Variants in PPFIA1 observed in about 807,000 individuals in gnomAD.
PPFIA1 encodes PPFI scaffold protein A1, also known as liprin-alpha-1.
Under a neutral mutation model 149.9 loss-of-function variants are expected in PPFIA1, and 25 were observed. The observed-to-expected ratio is 0.17, with a 90% CI of 0.12 to 0.23. The LOEUF (loss-of-function observed/expected upper bound fraction) is 0.23, where lower values mean the gene tolerates loss of function less well. PPFIA1 is among the 10% of genes least tolerant of loss of function. The pLI is 1.00. For synonymous variants in PPFIA1, 549 were observed against 552.8 expected (o/e 0.99, Z 0.10); for missense variants, 1,362 against 1,506.5 (o/e 0.90, Z 1.59).
At position 70,339,280 on chromosome 11, in the gene PPFIA1, G is replaced by A; in HGVS notation, c.1681G>A (p.Ala561Thr). 1.2e-6 allele frequency: 2 copies of A among 1,613,992 alleles called. No homozygotes were observed. The highest frequency in any genetic ancestry group is 1.7e-6 in the Non-Finnish European group (2 of 1,179,848). Residue 561 changes from alanine to threonine, a missense_variant, in exon 14 of 28, where the codon GCA (alanine) becomes ACA (threonine). Ala to Thr is a moderately conservative substitution (Grantham distance 58). This residue lies in a region of PPFIA1 where 733 missense variants were observed against 744.1 expected (regional missense o/e 0.99). Transcript: ENST00000253925. ...GCGGCGCCCACAGAAAGGCCGGCTG[G>A]CAGCCCTGCGAGATGAGCCTTCCAA... Reference protein sequence around the residue: ...VLRRPQKGRLAALRDEPSKVQ... With the variant: ...VLRRPQKGRLTALRDEPSKVQ...
At chr11:70,338,514 T>C in intron 13 of PPFIA1, 61 bp downstream of exon 13, 2 of 1,398,370 alleles carry the variant, frequency 1.4e-6, no homozygotes, top group Non-Finnish European at 2.0e-6. Flanking sequence ...AGTTCTTGGC[T>C]ATGTGGGCAG....
Position 70,356,149 on chromosome 11 carries a change from G to C in PPFIA1, c.2489-12G>C, listed in dbSNP as rs763030283. 7 of 1,608,514 alleles carry C rather than the reference G, an allele frequency of 4.4e-6. No homozygotes were observed. The highest frequency in any genetic ancestry group is 1.7e-5 in the Admixed American group (1 of 59,950). On this transcript the variant is annotated splice_polypyrimidine_tract_variant and intron_variant, in intron 18 of 27. Coordinates refer to ENST00000253925, the MANE Select transcript of PPFIA1 (RefSeq NM_003626.5). Reference sequence around the variant, plus strand: ...CTGATTTTTACTTCTGGGCTGTTCTGCTTCCTCACAGCTGGTGTTTCCGAG... The same window carrying C: ...CTGATTTTTACTTCTGGGCTGTTCTCCTTCCTCACAGCTGGTGTTTCCGAG...
chr11:70,303,975 C>T (rs111488406), intron 2 of PPFIA1, among the ~76,000 whole-genome samples: 3,621 of 152,128 alleles, frequency 0.024, 163 homozygotes, highest in African/African-American at 0.084. Flanking sequence ...CACTGCACTC[C>T]AGCCTGGGAG....
intron 26 of PPFIA1, among the ~76,000 whole-genome samples, chr11:70,379,437 G>T (rs1458534125): frequency 6.6e-6 from 1 of 150,868 alleles, no homozygotes; most frequent in African/African-American, 2.5e-5. Context: ...TAGCCTTGAT[G>T]ACAGACTGAG....
chr11:70,296,727 G>A (rs2136286694), intron 2 of PPFIA1, among the ~76,000 whole-genome samples: 2 of 123,882 alleles, frequency 1.6e-5, no homozygotes, highest in Middle Eastern at 8.1e-3. Context: ...AGAGGGAGAG[G>A]AGGGAGAGGG....
At chr11:70,364,246 C>G (rs1188716040) in intron 21 of PPFIA1, 1 of 152,166 alleles carries the variant, frequency 6.6e-6, no homozygotes, top group African/African-American at 2.4e-5. Context: ...TGCAAATGTT[C>G]ATCCAACATG....
At chr11:70,322,156 G>T (rs1239675029) in intron 2 of PPFIA1, among the ~76,000 whole-genome samples, 1 of 152,192 alleles carries the variant, frequency 6.6e-6, no homozygotes, top group Non-Finnish European at 1.5e-5. Context: ...TGGGATTACA[G>T]GTGTGAGCCA....
At chr11:70,338,514 T>G in intron 13 of PPFIA1, 61 bp downstream of exon 13, 1 of 1,398,370 alleles carries the variant, frequency 7.2e-7, no homozygotes, top group Non-Finnish European at 1.0e-6. Context: ...AGTTCTTGGC[T>G]ATGTGGGCAG....
At chr11:70,308,913 ACT>A (rs769563084) in intron 2 of PPFIA1, among the ~76,000 whole-genome samples, 1 of 151,996 alleles carries the variant, frequency 6.6e-6, no homozygotes, top group African/African-American at 2.4e-5. Context: ...ACAGGGCGAG[ACT>A]CTCTCGAAGA....
intron 7 of PPFIA1, among the ~76,000 whole-genome samples, chr11:70,329,086 G>A (rs146606921): frequency 6.6e-6 from 1 of 152,210 alleles, no homozygotes; most frequent in African/African-American, 2.4e-5. Context: ...GTAATTGTAT[G>A]AGAGTTCATC....
Position 70,288,165 on chromosome 11 carries a change from C to T in PPFIA1, c.264+15729C>T, listed in dbSNP as rs557482225. Among the ~76,000 whole-genome samples the T allele has an allele frequency of 1.6e-4, 25 of 151,808 alleles. 1 individual carries two copies. The highest frequency in any genetic ancestry group is 4.2e-4 in the South Asian group (2 of 4,806). Reference sequence around the variant, plus strand: ...TCTGGCTCACTGCAACCTCTGCCTCCTGGGTTCAAGCAGTTCTCTGCCTCA... The same window carrying T: ...TCTGGCTCACTGCAACCTCTGCCTCTTGGGTTCAAGCAGTTCTCTGCCTCA... On this transcript the variant is annotated intron_variant, in intron 2 of 27. Transcript: ENST00000253925.
intron 2 of PPFIA1, among the ~76,000 whole-genome samples, chr11:70,304,251 A>G (rs964838967): frequency 2.0e-5 from 3 of 152,082 alleles, no homozygotes; most frequent in Admixed American, 6.6e-5. Context: ...CTCAGAGGGC[A>G]TGGAAGCTCT....
At chr11:70,320,098 G>A (rs1240450812) in intron 2 of PPFIA1, 1 of 152,158 alleles carries the variant, frequency 6.6e-6, no homozygotes, top group Non-Finnish European at 1.5e-5. Flanking sequence ...CAGCATAGAC[G>A]AGATATGCAC....
chr11:70,279,689 G>A (rs567305149), intron 2 of PPFIA1, among the ~76,000 whole-genome samples: 4 of 149,870 alleles, frequency 2.7e-5, no homozygotes, highest in African/African-American at 5.0e-5. Context: ...GCTCCTTTCC[G>A]TATTTTCTAG....
chr11:70,272,457 A>C, intron 2 of PPFIA1, 21 bp downstream of exon 2: 1 of 1,565,274 alleles, frequency 6.4e-7, no homozygotes, highest in Non-Finnish European at 8.7e-7. Flanking sequence ...TTTTAACCTG[A>C]AACTATAGAT....
chr11:70,335,747 T>G (rs1022777479), intron 11 of PPFIA1, 53 bp downstream of exon 11: 255 of 1,601,170 alleles, frequency 1.6e-4, no homozygotes, highest in Non-Finnish European at 2.1e-4. Flanking sequence ...TGCCAAAAGA[T>G]TGCTCATCTG....
intron 2 of PPFIA1, among the ~76,000 whole-genome samples, chr11:70,319,138 A>G (rs1325596939): frequency 1.3e-5 from 2 of 152,220 alleles, no homozygotes; most frequent in Non-Finnish European, 2.9e-5. Flanking sequence ...CTCAGGAACC[A>G]ATGACTCCAT....
chr11:70,372,398 A>AATGG lies in PPFIA1; in HGVS notation c.3041+10_3041+13dup, dbSNP rs758831747. 33 of 1,613,944 alleles carry AATGG rather than the reference A, an allele frequency of 2.0e-5. No individual in the cohort carries two copies. Among genetic ancestry groups the AATGG allele is most frequent in the Admixed American group, 3.3e-5 (2 of 59,998 alleles). ...GGTCGACAGTTTTCACAGGTAACTTAATGGAGATAGTTCTTAATAATTGGC... is the reference window on the plus strand; with the variant it reads ...GGTCGACAGTTTTCACAGGTAACTTAATGGATGGAGATAGTTCTTAATAATTGGC... On this transcript the variant is annotated intron_variant, in intron 22 of 27. Transcript: ENST00000253925.
intron 3 of PPFIA1, 98 bp downstream of exon 3, chr11:70,324,601 T>C: frequency 9.3e-7 from 1 of 1,078,162 alleles, no homozygotes; most frequent in Non-Finnish European, 1.4e-6. Context: ...CTGTCTGGCC[T>C]GAAATACTTT....
Sources: allele counts gnomAD v4.1 joint callset (sites outside exome capture counted in the v4.1 genomes callset), GRCh38; gene constraint gnomAD v4.1.1; regional missense constraint gnomAD v4.1.1; transcripts MANE v1.5; gene names NCBI Gene and HGNC (gene_info 2026-07-23, HGNC 2026-07-21).